RIMS1: variants seen among roughly 807,000 people sequenced by gnomAD.
RIMS1 encodes regulating synaptic membrane exocytosis 1, also known as regulating synaptic membrane exocytosis protein 1.
A neutral mutation model predicts 214.1 loss-of-function variants in RIMS1; 83 were observed. That is an observed-to-expected ratio of 0.39 (90% confidence interval 0.32 to 0.47). RIMS1 has a LOEUF of 0.47. Ranked by LOEUF, RIMS1 falls within the 20% of genes least tolerant of loss-of-function variation. The pLI, the probability that RIMS1 is intolerant of heterozygous loss-of-function variation, is 0.99. For synonymous variants in RIMS1, 793 were observed against 786.8 expected (o/e 1.01, Z -0.13); for missense variants, 2,050 against 2,161.8 (o/e 0.95, Z 1.03).
intron 1 of RIMS1, among the ~76,000 whole-genome samples, chr6:71,920,048 G>A (rs971986713): frequency 6.6e-6 from 1 of 152,178 alleles, no homozygotes; most frequent in Non-Finnish European, 1.5e-5. Context: ...ATACTCAAAT[G>A]TACAACTGTC....
intron 2 of RIMS1, among the ~76,000 whole-genome samples, chr6:72,026,395 A>G (rs1816480725): frequency 1.3e-5 from 2 of 151,448 alleles, no homozygotes; most frequent in Non-Finnish European, 2.9e-5. Flanking sequence ...TATAAACACC[A>G]TAGCCTGGCA....
intron 8 of RIMS1, among the ~76,000 whole-genome samples, chr6:72,236,086 T>C (rs1209697271): frequency 5.3e-5 from 8 of 152,158 alleles, no homozygotes; most frequent in Non-Finnish European, 1.0e-4. Context: ...TGCTGTCTTA[T>C]TGATTATTAC....
At chr6:72,278,270 T>A (rs1389775615) in intron 23 of RIMS1, among the ~76,000 whole-genome samples, 1 of 152,086 alleles carries the variant, frequency 6.6e-6, no homozygotes, top group Non-Finnish European at 1.5e-5. Flanking sequence ...AATAATCTTA[T>A]TTCCAGAACT....
intron 23 of RIMS1, among the ~76,000 whole-genome samples, chr6:72,278,802 A>C (rs2088272278): frequency 6.6e-6 from 1 of 152,076 alleles, no homozygotes; most frequent in East Asian, 1.9e-4. Flanking sequence ...ACTGCATAGG[A>C]ACATCTCTTA....
At chr6:72,249,609 A>G (rs1248774180) in intron 12 of RIMS1, among the ~76,000 whole-genome samples, 2 of 152,034 alleles carry the variant, frequency 1.3e-5, no homozygotes, top group Non-Finnish European at 2.9e-5. Flanking sequence ...CGATTCCACA[A>G]AAAATTTAAA....
chr6:72,043,944 C>G (rs1463276378), intron 2 of RIMS1, among the ~76,000 whole-genome samples: 1 of 151,266 alleles, frequency 6.6e-6, no homozygotes, highest in East Asian at 1.9e-4. Flanking sequence ...TACATATAGT[C>G]CAGATATGTA....
chr6:71,928,061 G>C (rs1156293558), intron 1 of RIMS1, among the ~76,000 whole-genome samples: 1 of 152,052 alleles, frequency 6.6e-6, no homozygotes, highest in African/African-American at 2.4e-5. Flanking sequence ...TAACAGATGA[G>C]CAATATGTTA....
intron 4 of RIMS1, among the ~76,000 whole-genome samples, chr6:72,142,539 A>G (rs116567972): frequency 2.6e-3 from 392 of 152,196 alleles, no homozygotes; most frequent in African/African-American, 9.0e-3. Flanking sequence ...CCAGATCATC[A>G]ATAAAAGATA....
intron 29 of RIMS1, among the ~76,000 whole-genome samples, chr6:72,382,621 C>T (rs559543229): frequency 6.6e-6 from 1 of 152,282 alleles, no homozygotes; most frequent in East Asian, 1.9e-4. Flanking sequence ...TGTCACTGTG[C>T]ACCCTGAGGG....
chr6:72,183,672 T>C (rs1467347957), intron 6 of RIMS1, among the ~76,000 whole-genome samples: 1 of 151,960 alleles, frequency 6.6e-6, no homozygotes, highest in Admixed American at 6.6e-5. Context: ...GGTCCACTTA[T>C]ATATGGATGT....
chr6:72,270,912 G>A (rs910105216), intron 22 of RIMS1, among the ~76,000 whole-genome samples: 2 of 152,152 alleles, frequency 1.3e-5, no homozygotes, highest in Non-Finnish European at 1.5e-5. Flanking sequence ...TAAGGGAAAG[G>A]AGGTTCCTAC....
chr6:72,095,255 G>A (rs1045315932), intron 2 of RIMS1, among the ~76,000 whole-genome samples: 9 of 151,336 alleles, frequency 5.9e-5, no homozygotes, highest in Non-Finnish European at 1.0e-4. Context: ...GAGCCACCGC[G>A]CCCAGCCCTT....
intron 7 of RIMS1, 35 bp downstream of exon 7, chr6:72,233,875 G>A (rs1474489387): frequency 7.4e-7 from 1 of 1,356,414 alleles, no homozygotes; most frequent in East Asian, 2.5e-5. Flanking sequence ...GGAGTTTAGG[G>A]AATATGTGTG....
intron 22 of RIMS1, 80 bp from the exon 23 acceptor site, chr6:72,274,269 T>G: frequency 1.1e-6 from 1 of 944,134 alleles, no homozygotes; most frequent in Non-Finnish European, 1.6e-6. Flanking sequence ...GCTTTTCCAG[T>G]CCTCTTGTTC....
chr6:72,397,551 C>T (rs1163433365), intron 31 of RIMS1, among the ~76,000 whole-genome samples: 7 of 152,194 alleles, frequency 4.6e-5, no homozygotes, highest in South Asian at 2.1e-4. Context: ...GATGTCCATA[C>T]TATTAGATAT....
chr6:72,099,768 A>G, intron 3 of RIMS1, among the ~76,000 whole-genome samples: 1 of 152,188 alleles, frequency 6.6e-6, no homozygotes, highest in Non-Finnish European at 1.5e-5. Flanking sequence ...AGCAGGACCC[A>G]TAATGTTTGC....
At chr6:71,961,619 C>A (rs2151257776) in intron 1 of RIMS1, among the ~76,000 whole-genome samples, 1 of 152,244 alleles carries the variant, frequency 6.6e-6, no homozygotes, top group South Asian at 2.1e-4. Context: ...CCTCTTTCTC[C>A]TTCTGGAGAG....
intron 9 of RIMS1, 85 bp from the exon 10 acceptor site, chr6:72,242,229 G>T: frequency 9.5e-7 from 1 of 1,051,898 alleles, no homozygotes; most frequent in Non-Finnish European, 1.4e-6. Context: ...TATATGTTTT[G>T]CATTTCTTTG....
intron 2 of RIMS1, among the ~76,000 whole-genome samples, chr6:72,085,116 CTG>C (rs1461424044): frequency 1.3e-5 from 2 of 151,976 alleles, no homozygotes; most frequent in African/African-American, 4.8e-5. Flanking sequence ...ATTTAAATAA[CTG>C]TGACAGAATT....
Sources: allele counts gnomAD v4.1 joint callset (sites outside exome capture counted in the v4.1 genomes callset), GRCh38; gene constraint gnomAD v4.1.1; transcripts MANE v1.5; gene names NCBI Gene and HGNC (gene_info 2026-07-23, HGNC 2026-07-21).